Variants in TUBB6 observed in about 807,000 individuals in gnomAD.
TUBB6 encodes tubulin beta-6 chain.
TUBB6 carries 18 observed loss-of-function variants against 32.3 expected under a neutral mutation model. The observed-to-expected ratio is 0.56, with a 90% CI of 0.39 to 0.83. TUBB6 has a LOEUF of 0.83. Ranked by LOEUF, TUBB6 falls within the 40% of genes least tolerant of loss-of-function variation. The pLI is 0.00. For missense variants in TUBB6, 480 were observed against 632.0 expected (o/e 0.76, Z 2.58); for synonymous variants, 280 against 265.8 (o/e 1.05, Z -0.52).
intron 3 of TUBB6, among the ~76,000 whole-genome samples, chr18:12,324,495 T>G (rs1333706981): frequency 2.1e-5 from 3 of 145,728 alleles, no homozygotes; most frequent in African/African-American, 7.6e-5. Flanking sequence ...CAAGCTGGAG[T>G]GCAGTGGCAC....
upstream of TUBB6, chr18:12,308,196 C>T (rs1016325935): frequency 6.0e-6 from 5 of 835,956 alleles, no homozygotes; most frequent in East Asian, 6.2e-5. Context: ...GGGGCGGGGG[C>T]GGGGGCGCGG....
rs1907326358 is a variant in TUBB6, at chr18:12,326,300, A to G, written c.*170A>G. 2 of 1,030,654 alleles carry G rather than the reference A, an allele frequency of 1.9e-6. No homozygotes were observed. Among genetic ancestry groups the G allele is most frequent in the South Asian group, 3.6e-5 (2 of 56,094 alleles). 63.8% of individuals were successfully genotyped at this position (1,030,654 alleles called of 1,614,324 possible). A position where few individuals can be genotyped will look rare whatever the true frequency, so the allele number is the denominator to read the frequency against. On this transcript the variant is annotated 3_prime_UTR_variant, in exon 4 of 4. Coordinates refer to ENST00000317702, the MANE Select transcript of TUBB6 (RefSeq NM_032525.3). ...TTAGTCATCTGGAACAAAGACTAAAAACAGCAGAGAATTGCGGGTTCTACC... is the reference window on the plus strand; with the variant it reads ...TTAGTCATCTGGAACAAAGACTAAAGACAGCAGAGAATTGCGGGTTCTACC...
At chr18:12,321,323 T>G (rs2144157208) in intron 3 of TUBB6, among the ~76,000 whole-genome samples, 1 of 152,322 alleles carries the variant, frequency 6.6e-6, no homozygotes, top group African/African-American at 2.4e-5. Context: ...TGTGTAGCAC[T>G]GATAAATGCT....
intron 3 of TUBB6, among the ~76,000 whole-genome samples, chr18:12,322,998 G>A (rs1360709813): frequency 6.6e-6 from 1 of 151,772 alleles, no homozygotes; most frequent in Admixed American, 6.6e-5. Flanking sequence ...TTTGACTTAT[G>A]AAAAATAATA....
At chr18:12,313,914 T>C (rs1906527072) in intron 3 of TUBB6, among the ~76,000 whole-genome samples, 1 of 152,214 alleles carries the variant, frequency 6.6e-6, no homozygotes. Context: ...GTCATCCTTG[T>C]CAATTCAGAG....
At chr18:12,316,941 CTGAGGTCA>C (rs1176821658) in intron 3 of TUBB6, among the ~76,000 whole-genome samples, 1 of 152,132 alleles carries the variant, frequency 6.6e-6, no homozygotes, top group East Asian at 1.9e-4. Context: ...GGCAGATCAT[CTGAGGTCA>C]GGAGTTCGAG....
intron 2 of TUBB6, among the ~76,000 whole-genome samples, chr18:12,310,056 A>G (rs573977984): frequency 7.9e-5 from 12 of 152,304 alleles, no homozygotes; most frequent in African/African-American, 2.6e-4. Context: ...GGTGAGCTGG[A>G]AAATACAGTA....
At chr18:12,319,888 G>A (rs1692235062) in intron 3 of TUBB6, among the ~76,000 whole-genome samples, 1 of 151,964 alleles carries the variant, frequency 6.6e-6, no homozygotes, top group African/African-American at 2.4e-5. Context: ...CCGGGTTCAC[G>A]CCATTCTCCT....
At chr18:12,308,856 C>T in intron 2 of TUBB6, 61 bp downstream of exon 2, 1 of 1,131,768 alleles carries the variant, frequency 8.8e-7, no homozygotes, top group Non-Finnish European at 1.3e-6. Context: ...TCCGGCGCCG[C>T]CTCTTAGCGC....
chr18:12,309,906 A>G (rs1337488317), intron 2 of TUBB6, among the ~76,000 whole-genome samples: 2 of 152,222 alleles, frequency 1.3e-5, no homozygotes, highest in South Asian at 2.1e-4. Flanking sequence ...CAGACTGCAC[A>G]TGGGCACATG....
Position 12,318,786 on chromosome 18 carries a change from C to G in TUBB6, c.278-6281C>G, listed in dbSNP as rs543103425. Among the ~76,000 whole-genome samples, 416 of 125,450 alleles carry G rather than the reference C, an allele frequency of 3.3e-3. 1 individual carries two copies. The highest frequency in any genetic ancestry group is 0.011 in the African/African-American group (402 of 36,156). The allele number at this position is 125,450 out of a possible 152,430, so 82.3% of individuals were successfully genotyped here. ...TTTGTTTGTTTGTTTGAGATGGGGT[C>G]TCGCCTTGTCACCCAGGCTGGAGTG... On this transcript the variant is annotated intron_variant, in intron 3 of 3. Coordinates refer to ENST00000317702, the MANE Select transcript of TUBB6 (RefSeq NM_032525.3).
intron 3 of TUBB6, among the ~76,000 whole-genome samples, chr18:12,323,491 T>TAC (rs1907092306): frequency 6.6e-6 from 1 of 152,126 alleles, no homozygotes. Flanking sequence ...AAGTAAGATA[T>TAC]ACATAAGCCT....
At position 12,325,688 on chromosome 18, in the gene TUBB6, T is replaced by C; in HGVS notation, c.899T>C (p.Met300Thr). The C allele has an allele frequency of 1.9e-6, 3 of 1,614,068 alleles. No individual in the cohort carries two copies. The highest frequency in any genetic ancestry group is 2.5e-6 in the Non-Finnish European group (3 of 1,179,992). Reference protein sequence around the residue: ...TQQMFDARNMMAACDPRHGRY... With the variant: ...TQQMFDARNMTAACDPRHGRY... Reference sequence around the variant, plus strand: ...CAGATGTTCGACGCCAGGAACATGATGGCCGCCTGCGATCCGCGCCATGGC... The same window carrying C: ...CAGATGTTCGACGCCAGGAACATGACGGCCGCCTGCGATCCGCGCCATGGC... The change falls in exon 4 of 4, where the codon ATG (methionine) becomes ACG (threonine). Residue 300 changes from methionine to threonine, a missense_variant. Physicochemically the swap from Met to Thr is moderately conservative, Grantham distance 81. Coordinates refer to ENST00000317702, the MANE Select transcript of TUBB6 (RefSeq NM_032525.3).
intron 3 of TUBB6, among the ~76,000 whole-genome samples, chr18:12,314,743 A>G (rs1451162302): frequency 1.3e-5 from 2 of 152,244 alleles, no homozygotes; most frequent in Non-Finnish European, 2.9e-5. Context: ...AGTTTACAAC[A>G]CAGAGTCAAC....
chr18:12,327,229 C>T (rs539168962), downstream of TUBB6, among the ~76,000 whole-genome samples: 56 of 152,362 alleles, frequency 3.7e-4, no homozygotes, highest in African/African-American at 1.1e-3. Context: ...CTGCCTCCCA[C>T]GTGGGCAGCC....
intron 3 of TUBB6, among the ~76,000 whole-genome samples, chr18:12,312,638 T>C (rs766241952): frequency 6.6e-5 from 10 of 152,112 alleles, no homozygotes; most frequent in Non-Finnish European, 1.0e-4. Context: ...GACAACATCT[T>C]AATAGATGAC....
At chr18:12,318,814 G>A (rs114310440) in intron 3 of TUBB6, among the ~76,000 whole-genome samples, 6,340 of 151,966 alleles carry the variant, frequency 0.042, 440 homozygotes, top group African/African-American at 0.15. Context: ...CTGGAGTGCA[G>A]TGGTGTGATC....
intron 3 of TUBB6, among the ~76,000 whole-genome samples, chr18:12,319,856 A>G (rs527819663): frequency 3.8e-4 from 57 of 151,844 alleles, no homozygotes; most frequent in African/African-American, 1.2e-3. Context: ...GTGCGATCTT[A>G]GCTCATTGCA....
Position 12,308,716 on chromosome 18 carries a change from C to A in TUBB6, c.87C>A (p.Gly29=). The A allele has an allele frequency of 1.9e-6, 3 of 1,612,986 alleles. No homozygotes were observed. The highest frequency in any genetic ancestry group is 2.5e-6 in the Non-Finnish European group (3 of 1,179,150). ...KFWEVISDEH[G]IDPAGGYVGD... The stretch of plus-strand genomic sequence containing the variant: ...GGGAAGTGATCAGCGATGAGCACGG[C>A]ATCGACCCGGCCGGAGGCTACGTGG... The change falls in exon 2 of 4, where the codon GGC becomes GGA. Residue 29 remains glycine, a synonymous_variant. Transcript: ENST00000317702.
Sources: allele counts gnomAD v4.1 joint callset (sites outside exome capture counted in the v4.1 genomes callset), GRCh38; gene constraint gnomAD v4.1.1; transcripts MANE v1.5; gene names NCBI Gene and HGNC (gene_info 2026-07-23, HGNC 2026-07-21).